NHS: variants seen among roughly 807,000 people sequenced by gnomAD.
NHS encodes the protein actin remodeling regulator NHS.
A neutral mutation model predicts 72.5 loss-of-function variants in NHS; 5 were observed. The ratio of observed to expected loss-of-function variants is 0.07; its 90% CI spans 0.04 to 0.14. NHS has a LOEUF of 0.14. Among genes scored for constraint, NHS ranks in the 10% least tolerant of loss-of-function variants. The pLI is 1.00. For missense variants in NHS, 1,072 were observed against 1,355.7 expected, an observed-to-expected ratio of 0.79 and a Z score of 3.29; for synonymous variants, 464 against 547.7, an observed-to-expected ratio of 0.85 and a Z score of 2.13.
chrX:17,548,955 C>CT (rs1358326266), intron 1 of NHS, among the ~76,000 whole-genome samples: 3 of 107,108 alleles, frequency 2.8e-5, no homozygotes, highest in African/African-American at 6.8e-5. Context: ...ATACTTGTCC[C>CT]TTTTTTTTAA....
At position 17,671,971 on chromosome X, in the gene NHS, C is replaced by T. The variant is rs1249189809; in HGVS notation, c.566-15771C>T. ...CACTGGAAGGGCGAGCCTCTAACTGCACTCTTGCCATCTGAGTTGAGAGGG... is the reference window on the plus strand; with the variant it reads ...CACTGGAAGGGCGAGCCTCTAACTGTACTCTTGCCATCTGAGTTGAGAGGG... On this transcript the variant is annotated intron_variant, in intron 1 of 8. Transcript: ENST00000676302. Among the ~76,000 whole-genome samples the T allele has an allele frequency of 2.7e-5, 3 of 111,738 alleles. No homozygotes were observed. In the Admixed American group the frequency reaches 2.8e-4, roughly 11 times the overall value.
At chrX:17,658,809 G>A (rs1203750060) in intron 1 of NHS, among the ~76,000 whole-genome samples, 1 of 111,678 alleles carries the variant, frequency 9.0e-6, no homozygotes, top group Non-Finnish European at 1.9e-5. Context: ...TACCAAATAA[G>A]ATATCAATGA....
intron 1 of NHS, among the ~76,000 whole-genome samples, chrX:17,525,190 A>ATGT (rs1372227441): frequency 8.9e-6 from 1 of 112,364 alleles, no homozygotes; most frequent in African/African-American, 3.2e-5. Context: ...AAATGGTAGG[A>ATGT]TGTTGGTTGC....
chrX:17,459,809 C>G (rs2064839791), intron 1 of NHS, among the ~76,000 whole-genome samples: 1 of 111,953 alleles, frequency 8.9e-6, no homozygotes, highest in South Asian at 3.7e-4. Flanking sequence ...AATCTCCCTT[C>G]CTCAATAGTG....
At chrX:17,543,969 G>T (rs1422525131) in intron 1 of NHS, among the ~76,000 whole-genome samples, 1 of 111,977 alleles carries the variant, frequency 8.9e-6, no homozygotes, top group African/African-American at 3.2e-5. Context: ...TTTCTTTCCA[G>T]ATTGTTCTAA....
intron 1 of NHS, among the ~76,000 whole-genome samples, chrX:17,387,158 C>T (rs1335002728): frequency 8.9e-6 from 1 of 112,178 alleles, no homozygotes; most frequent in Admixed American, 9.5e-5. Context: ...CACAGGTGCA[C>T]TCCCCTACCT....
intron 3 of NHS, among the ~76,000 whole-genome samples, chrX:17,700,452 AAAG>A (rs1217274233): frequency 2.7e-5 from 3 of 110,035 alleles, no homozygotes; most frequent in Non-Finnish European, 3.8e-5. Flanking sequence ...AAAAAAAAAA[AAAG>A]AAAAGAAAAA....
At chrX:17,477,972 C>T (rs2064928922) in intron 1 of NHS, among the ~76,000 whole-genome samples, 2 of 111,480 alleles carry the variant, frequency 1.8e-5, no homozygotes, top group Admixed American at 9.6e-5. Context: ...GGGGCTACCT[C>T]ACCTCATGTT....
intron 1 of NHS, among the ~76,000 whole-genome samples, chrX:17,384,384 AG>A (rs1018375309): frequency 1.8e-5 from 2 of 112,434 alleles, no homozygotes; most frequent in African/African-American, 6.5e-5. Flanking sequence ...CAATCTTTCA[AG>A]GGTTTAATAA....
At chrX:17,693,729 G>A (rs1307178135) in intron 3 of NHS, among the ~76,000 whole-genome samples, 4 of 112,794 alleles carry the variant, frequency 3.5e-5, no homozygotes. Context: ...AGTGCACACT[G>A]AGCGCCGTGT....
intron 1 of NHS, among the ~76,000 whole-genome samples, chrX:17,504,975 G>C (rs1158554516): frequency 2.7e-5 from 3 of 111,595 alleles, no homozygotes; most frequent in Non-Finnish European, 3.8e-5. Context: ...ACAGGTTCAT[G>C]TGTATCATTT....
chrX:17,694,504 A>G (rs1448092709), intron 3 of NHS, among the ~76,000 whole-genome samples: 1 of 112,246 alleles, frequency 8.9e-6, no homozygotes, highest in Non-Finnish European at 1.9e-5. Flanking sequence ...CCTTTAAGAA[A>G]GCATTCATAA....
intron 1 of NHS, among the ~76,000 whole-genome samples, chrX:17,605,901 G>GT (rs1179979234): frequency 1.8e-5 from 2 of 111,986 alleles, no homozygotes; most frequent in Non-Finnish European, 3.8e-5. Context: ...AATGTCAGCT[G>GT]TGTTACCAGG....
chrX:17,578,215 T>C (rs1390081027), intron 1 of NHS, among the ~76,000 whole-genome samples: 1 of 112,595 alleles, frequency 8.9e-6, no homozygotes, highest in Non-Finnish European at 1.9e-5. Flanking sequence ...ATCCAATACC[T>C]CATGTTAAAG....
At chrX:17,539,629 G>A (rs912427103) in intron 1 of NHS, among the ~76,000 whole-genome samples, 2 of 111,239 alleles carry the variant, frequency 1.8e-5, no homozygotes, top group Admixed American at 9.5e-5. Context: ...AGCATCCCCA[G>A]GGAAGTTTCT....
chrX:17,720,036 G>C (rs1014478826), intron 4 of NHS, among the ~76,000 whole-genome samples: 5 of 111,376 alleles, frequency 4.5e-5, no homozygotes, highest in African/African-American at 1.6e-4. Context: ...AAGTTACCTA[G>C]GAAACAAAGT....
chrX:17,629,816 C>T (rs370047073), intron 1 of NHS, among the ~76,000 whole-genome samples: 10 of 111,400 alleles, frequency 9.0e-5, no homozygotes, highest in African/African-American at 3.3e-4. Context: ...AGTGGGGACT[C>T]AGGCAAACAA....
chrX:17,708,237 G>T (rs1222670832), intron 3 of NHS, among the ~76,000 whole-genome samples: 1 of 111,544 alleles, frequency 9.0e-6, no homozygotes, highest in Admixed American at 9.5e-5. Context: ...TCTGCCCAAA[G>T]AAATAAGTTC....
chrX:17,512,253 G>T (rs1016001454), intron 1 of NHS, among the ~76,000 whole-genome samples: 10 of 111,837 alleles, frequency 8.9e-5, no homozygotes, highest in Non-Finnish European at 1.7e-4. Flanking sequence ...AGATTAGGGG[G>T]CACAACACTT....
Sources: gnomAD v4.1 joint callset for allele counts (sites outside exome capture counted in the v4.1 genomes callset) on GRCh38, gnomAD v4.1.1 for gene constraint, MANE v1.5 for transcripts, NCBI Gene and HGNC (gene_info 2026-07-23, HGNC 2026-07-21) for gene names.